Variants in GRIP2 observed in about 807,000 individuals in gnomAD.
GRIP2 encodes glutamate receptor interacting protein 2, also known as glutamate receptor-interacting protein 2.
Under a neutral mutation model 108.3 loss-of-function variants are expected in GRIP2, and 58 were observed. That is an observed-to-expected ratio of 0.54 (90% CI 0.43 to 0.67). The LOEUF (loss-of-function observed/expected upper bound fraction) is 0.67, where lower values mean the gene tolerates loss of function less well. Ranked by LOEUF, GRIP2 falls within the 30% of genes least tolerant of loss-of-function variation. The pLI is 0.00. For missense variants in GRIP2, 1,278 were observed against 1,430.6 expected (o/e 0.89, Z 1.72); for synonymous variants, 586 against 598.2 (o/e 0.98, Z 0.30).
rs114822966 is a variant in GRIP2, at chr3:14,507,848, C to T, written c.2079-148G>A. ...AGCTGCCAAAAACAAAACAAAAGCA[C>T]GCAAGTATGATCTTGGATCACATTA... On this transcript the variant is annotated intron_variant, in intron 17 of 23. Transcript: ENST00000621039. This position sits in a 1 kb window ranked among gnomAD's most constrained non-coding sequence, Gnocchi z 4.6. 269 of 811,560 alleles carry T rather than the reference C, an allele frequency of 3.3e-4. No homozygotes were observed. The highest frequency in any genetic ancestry group is 3.2e-3 in the African/African-American group (188 of 58,300). The allele number at this position is 811,560 out of a possible 1,614,324, so 50.3% of individuals were successfully genotyped here.
chr3:14,575,194 A>T, the GRIP2 span, among the ~76,000 whole-genome samples: 1 of 152,092 alleles, frequency 6.6e-6, no homozygotes, highest in South Asian at 2.1e-4. Flanking sequence ...TCTATGTTAA[A>T]CTCACACATA....
intron 16 of GRIP2, among the ~76,000 whole-genome samples, chr3:14,510,556 C>A (rs1463908633): frequency 1.3e-5 from 2 of 152,092 alleles, no homozygotes; most frequent in Non-Finnish European, 2.9e-5. Context: ...TGAGCCATTG[C>A]ACCTGGCCCA....
the GRIP2 span, among the ~76,000 whole-genome samples, chr3:14,561,912 T>G: frequency 6.6e-6 from 1 of 152,198 alleles, no homozygotes; most frequent in African/African-American, 2.4e-5. Context: ...CATCCATCTC[T>G]CCATCCATTT....
chr3:14,501,728 A>AT (rs1226055338), intron 21 of GRIP2, among the ~76,000 whole-genome samples: 1 of 152,092 alleles, frequency 6.6e-6, no homozygotes, highest in East Asian at 1.9e-4. Context: ...TTATTTTTTG[A>AT]TTTACTTATT....
chr3:14,573,727 G>A, the GRIP2 span: 25 of 1,441,966 alleles, frequency 1.7e-5, no homozygotes, highest in African/African-American at 2.0e-4. Context: ...GGCCACTCAC[G>A]GGGGTCCTCC....
upstream of GRIP2, among the ~76,000 whole-genome samples, chr3:14,560,950 C>T (rs1695306526): frequency 6.6e-6 from 1 of 152,174 alleles, no homozygotes; most frequent in Non-Finnish European, 1.5e-5. Context: ...CAGCAGAGGA[C>T]CCCTGGGCCC....
the GRIP2 span, among the ~76,000 whole-genome samples, chr3:14,569,436 G>T: frequency 6.6e-6 from 1 of 152,180 alleles, no homozygotes; most frequent in African/African-American, 2.4e-5. Flanking sequence ...CCCTGCCTTG[G>T]GGGAGTCCCA....
chr3:14,530,537 C>T (rs1340483149), intron 1 of GRIP2, among the ~76,000 whole-genome samples: 1 of 152,164 alleles, frequency 6.6e-6, no homozygotes, highest in Non-Finnish European at 1.5e-5. Flanking sequence ...TTTAATTTCT[C>T]CTAAGAACAC....
Position 14,514,394 on chromosome 3 carries a change from A to T in GRIP2, c.1391T>A (p.Leu464His). The T allele has an allele frequency of 6.4e-7, 1 of 1,574,272 alleles. No individual in the cohort carries two copies. The highest frequency in any genetic ancestry group is 8.6e-7 in the Non-Finnish European group (1 of 1,161,232). The stretch of plus-strand genomic sequence containing the variant: ...CTGGAGCTGGAGGCCAAAGCCGCTG[A>T]GGGGGTCTCCACAGAGCACGACCTC... ...TTEVVLCGDP[L>H]SGFGLQLQGG... The change falls in exon 12 of 24, where the codon CTC (leucine) becomes CAC (histidine). Residue 464 changes from leucine to histidine, a missense_variant. By Grantham distance (99) the Leu-to-His change is moderately conservative. Transcript: ENST00000621039.
At chr3:14,585,098 C>T in the GRIP2 span, among the ~76,000 whole-genome samples, 1 of 152,204 alleles carries the variant, frequency 6.6e-6, no homozygotes, top group Non-Finnish European at 1.5e-5. Context: ...GATCTCAGCT[C>T]ACTGCAAGCT....
At chr3:14,555,480 GAGAC>G (rs1358651384) in intron 1 of GRIP2, among the ~76,000 whole-genome samples, 2 of 152,174 alleles carry the variant, frequency 1.3e-5, no homozygotes, top group African/African-American at 2.4e-5. Context: ...GAGCAAGACA[GAGAC>G]AGACAGAGTG....
intron 1 of GRIP2, among the ~76,000 whole-genome samples, chr3:14,553,866 T>A (rs1307289888): frequency 6.6e-6 from 1 of 152,160 alleles, no homozygotes; most frequent in African/African-American, 2.4e-5. Context: ...TCCTTGTGCC[T>A]CCCTCAGTGC....
intron 1 of GRIP2, among the ~76,000 whole-genome samples, chr3:14,528,988 T>C (rs1694635316): frequency 6.6e-6 from 1 of 151,974 alleles, no homozygotes; most frequent in Admixed American, 6.5e-5. Flanking sequence ...AAAACATTTG[T>C]GGCTGGGCGT....
chr3:14,547,853 C>T (rs1039664963), intron 1 of GRIP2, among the ~76,000 whole-genome samples: 2 of 152,214 alleles, frequency 1.3e-5, no homozygotes, highest in Non-Finnish European at 2.9e-5. Flanking sequence ...CCCTCCCTGC[C>T]CTGTCCTAGA....
the GRIP2 span, among the ~76,000 whole-genome samples, chr3:14,578,753 T>C: frequency 6.6e-6 from 1 of 151,334 alleles, no homozygotes; most frequent in Non-Finnish European, 1.5e-5. Flanking sequence ...AGGAATGGGT[T>C]TTTTCTCCCT....
At chr3:14,572,599 G>A in the GRIP2 span, among the ~76,000 whole-genome samples, 7 of 60,204 alleles carry the variant, frequency 1.2e-4, no homozygotes, top group South Asian at 6.9e-4. Context: ...GTGACAGAGC[G>A]AGACTCCGTC....
At chr3:14,584,511 CT>C in the GRIP2 span, among the ~76,000 whole-genome samples, 2 of 152,180 alleles carry the variant, frequency 1.3e-5, no homozygotes, top group South Asian at 4.1e-4. Context: ...GGAAAAACAA[CT>C]TGCGGGGAAG....
chr3:14,562,551 T>C, the GRIP2 span, among the ~76,000 whole-genome samples: 1 of 152,242 alleles, frequency 6.6e-6, no homozygotes, highest in Non-Finnish European at 1.5e-5. Context: ...TTTCCTGTGT[T>C]TCCTGTATAC....
intron 1 of GRIP2, among the ~76,000 whole-genome samples, chr3:14,532,431 T>G (rs1422312110): frequency 6.6e-6 from 1 of 151,908 alleles, no homozygotes; most frequent in Non-Finnish European, 1.5e-5. Context: ...GCACTATGGG[T>G]ATTTTTTGCC....
Sources: gnomAD v4.1 joint callset for allele counts (sites outside exome capture counted in the v4.1 genomes callset) on GRCh38, gnomAD v4.1.1 for gene constraint, Gnocchi (gnomAD v3.1) non-coding constraint, MANE v1.5 for transcripts, NCBI Gene and HGNC (gene_info 2026-07-23, HGNC 2026-07-21) for gene names.